The following PACS1 variants were observed in gnomAD, a reference collection of about 807,000 sequenced individuals.
PACS1 encodes PACS-1.
In PACS1, 24 loss-of-function variants were observed where a neutral mutation model predicts 115.0. That is an observed-to-expected ratio of 0.21 (90% confidence interval 0.15 to 0.29). The LOEUF is 0.29. PACS1 is among the 10% of genes least tolerant of loss of function. The pLI is 1.00. For missense variants in PACS1, 838 were observed against 1,251.2 expected (o/e 0.67, Z 4.98); for synonymous variants, 453 against 504.5 (o/e 0.90, Z 1.37).
At chr11:66,211,078 C>T (rs931153674) in intron 3 of PACS1, 56 bp from the exon 4 acceptor site, 7 of 1,595,944 alleles carry the variant, frequency 4.4e-6, no homozygotes, top group Admixed American at 1.7e-5. Context: ...CCTCCAGAAC[C>T]CCTCAAGGAC....
chr11:66,162,027 C>T (rs999713424), intron 1 of PACS1, among the ~76,000 whole-genome samples: 7 of 148,798 alleles, frequency 4.7e-5, no homozygotes, highest in South Asian at 2.1e-4. Context: ...TTATTTGGAT[C>T]GAGAGTCTTT....
At chr11:66,114,001 C>T (rs1021943735) in intron 1 of PACS1, among the ~76,000 whole-genome samples, 16 of 152,140 alleles carry the variant, frequency 1.1e-4, no homozygotes, top group African/African-American at 3.1e-4. Flanking sequence ...ATTAAGAGTT[C>T]GGCAGACATT....
At chr11:66,188,849 G>A (rs895084957) in intron 1 of PACS1, among the ~76,000 whole-genome samples, 1 of 152,116 alleles carries the variant, frequency 6.6e-6, no homozygotes, top group Non-Finnish European at 1.5e-5. Flanking sequence ...TACTTCCTTA[G>A]TGTTCTCTGT....
chr11:66,242,011 G>A (rs1855825677), intron 22 of PACS1, among the ~76,000 whole-genome samples: 2 of 152,320 alleles, frequency 1.3e-5, no homozygotes, highest in Non-Finnish European at 1.5e-5. Context: ...TCCCTGTGAC[G>A]CAGGAGTAGA....
At chr11:66,096,309 A>G (rs971535295) in intron 1 of PACS1, among the ~76,000 whole-genome samples, 3 of 149,836 alleles carry the variant, frequency 2.0e-5, no homozygotes, top group African/African-American at 7.5e-5. Context: ...TCCCAAGCTC[A>G]AGTGATCCAC....
chr11:66,230,715 A>G (rs1484956684), intron 12 of PACS1, 52 bp downstream of exon 12: 1 of 1,611,696 alleles, frequency 6.2e-7, no homozygotes, highest in Admixed American at 1.7e-5. Flanking sequence ...TGTGCTTAGC[A>G]TGGGCTTCAG....
chr11:66,163,537 A>G (rs708471), intron 1 of PACS1, among the ~76,000 whole-genome samples: 63,058 of 151,798 alleles, frequency 0.42, 13,779 homozygotes, highest in Non-Finnish European at 0.48. Context: ...TACTTCCTGT[A>G]TTGAGGTCTC....
chr11:66,079,161 A>G (rs1190861948), intron 1 of PACS1, among the ~76,000 whole-genome samples: 1 of 152,216 alleles, frequency 6.6e-6, no homozygotes, highest in Non-Finnish European at 1.5e-5. Context: ...TCAGCAGATT[A>G]CTGGCGTGAG....
At chr11:66,083,207 G>A (rs564864088) in intron 1 of PACS1, among the ~76,000 whole-genome samples, 1 of 152,228 alleles carries the variant, frequency 6.6e-6, no homozygotes, top group South Asian at 2.1e-4. Flanking sequence ...AAGGTCCTCT[G>A]GGAACATAAA....
chr11:66,196,189 ACTCCAGC>A (rs1239378354), intron 2 of PACS1, among the ~76,000 whole-genome samples: 2 of 152,152 alleles, frequency 1.3e-5, no homozygotes, highest in Non-Finnish European at 2.9e-5. Context: ...GTGCCAGTGC[ACTCCAGC>A]CTGGGTGACA....
intron 1 of PACS1, among the ~76,000 whole-genome samples, chr11:66,120,813 A>T (rs181073089): frequency 1.3e-5 from 2 of 152,260 alleles, no homozygotes; most frequent in East Asian, 3.9e-4. Context: ...CTGGACACAT[A>T]CCTATCCTCT....
chr11:66,172,865 A>G (rs952470614), intron 1 of PACS1, among the ~76,000 whole-genome samples: 2 of 151,572 alleles, frequency 1.3e-5, no homozygotes, highest in African/African-American at 4.9e-5. Context: ...AGTCCCAGCT[A>G]CTCAGAAGGC....
intron 1 of PACS1, among the ~76,000 whole-genome samples, chr11:66,133,004 C>A (rs1304146502): frequency 1.3e-5 from 2 of 152,132 alleles, no homozygotes; most frequent in Admixed American, 1.3e-4. Context: ...GATATGGAAC[C>A]TGTGGGTACA....
intron 1 of PACS1, among the ~76,000 whole-genome samples, chr11:66,090,194 A>ACTTGGCTTGG (rs373877149): frequency 2.8e-4 from 42 of 147,788 alleles, no homozygotes; most frequent in African/African-American, 8.8e-4. Flanking sequence ...GCTTGACTTG[A>ACTTGGCTTGG]CTTGGCTTGG....
Position 66,070,937 on chromosome 11 carries a change from C to A in PACS1, c.356+95C>A. On this transcript the variant is annotated intron_variant, in intron 1 of 23. Transcript: ENST00000320580. The surrounding 1 kb of genome is among the most constrained non-coding windows in gnomAD (Gnocchi z 5.9). ...CCAGCGCCCATGGGGTCCCCGCCCTCCATCTCCCCGACTGTCCCGCGGCCC... is the reference window on the plus strand; with the variant it reads ...CCAGCGCCCATGGGGTCCCCGCCCTACATCTCCCCGACTGTCCCGCGGCCC... The A allele has an allele frequency of 1.6e-6, 2 of 1,224,950 alleles. No individual in the cohort carries two copies. The highest frequency in any genetic ancestry group is 2.1e-6 in the Non-Finnish European group (2 of 947,136). 75.9% of individuals were successfully genotyped at this position (1,224,950 alleles called of 1,614,324 possible).
intron 1 of PACS1, among the ~76,000 whole-genome samples, chr11:66,095,492 C>G (rs1351542104): frequency 6.6e-6 from 1 of 152,230 alleles, no homozygotes; most frequent in Non-Finnish European, 1.5e-5. Context: ...GAGACTTACT[C>G]TGTTGCCCAG....
At position 66,243,361 on chromosome 11, in the gene PACS1, G is replaced by A. The variant is rs1464189577; in HGVS notation, c.*81G>A. On this transcript the variant is annotated 3_prime_UTR_variant, in exon 24 of 24. Coordinates refer to ENST00000320580, the MANE Select transcript of PACS1 (RefSeq NM_018026.4). The stretch of plus-strand genomic sequence containing the variant: ...CGGGCAGGGGGAGGCCAGCAGGCCC[G>A]GGCCCAGCACCCCTTCCCTGGCACC... The A allele has an allele frequency of 2.3e-5, 21 of 932,798 alleles. No individual in the cohort carries two copies. The highest frequency in any genetic ancestry group is 3.2e-4 in the Middle Eastern group (1 of 3,164). The allele number at this position is 932,798 out of a possible 1,614,324, so 57.8% of individuals were successfully genotyped here. A position where few individuals can be genotyped will look rare whatever the true frequency, so the allele number is the denominator to read the frequency against.
chr11:66,186,473 C>T (rs758182401), intron 1 of PACS1, among the ~76,000 whole-genome samples: 3 of 152,190 alleles, frequency 2.0e-5, no homozygotes, highest in Non-Finnish European at 4.4e-5. Flanking sequence ...AATTTCAGCC[C>T]TCCCCGCTCT....
Position 66,116,402 on chromosome 11 carries a change from A to C in PACS1, c.356+45560A>C, listed in dbSNP as rs568706463. ...AAGCTGTTTGTAAATACGAAGTATT[A>C]CATATTATCTTTCCTAAGGTTGTGA... On this transcript the variant is annotated intron_variant, in intron 1 of 23. Coordinates refer to ENST00000320580, the MANE Select transcript of PACS1 (RefSeq NM_018026.4). 2.5e-4 allele frequency among the ~76,000 whole-genome samples: 38 copies of C among 152,376 alleles called. 1 individual carries two copies. Among genetic ancestry groups the C allele is most frequent in the African/African-American group, 8.9e-4 (37 of 41,598 alleles).
Sources: allele counts gnomAD v4.1 joint callset (sites outside exome capture counted in the v4.1 genomes callset), GRCh38; gene constraint gnomAD v4.1.1; non-coding constraint Gnocchi (gnomAD v3.1); transcripts MANE v1.5; gene names NCBI Gene and HGNC (gene_info 2026-07-23, HGNC 2026-07-21).